DNAJB4: variants seen among roughly 807,000 people sequenced by gnomAD.
DNAJB4 encodes DnaJ heat shock protein family (Hsp40) member B4, also known as dnaJ homolog subfamily B member 4.
In DNAJB4, 10 loss-of-function variants were observed where a neutral mutation model predicts 26.6. The observed-to-expected ratio is 0.38, with a 90% CI of 0.23 to 0.64. DNAJB4 has a LOEUF of 0.64. DNAJB4 is among the 30% of genes least tolerant of loss of function. The pLI, the probability that DNAJB4 is intolerant of heterozygous loss-of-function variation, is 0.58. For missense variants in DNAJB4, 328 were observed against 408.2 expected (o/e 0.80, Z 1.69); for synonymous variants, 136 against 134.8 (o/e 1.01, Z -0.06).
chr1:78,014,578 T>A (rs1660582748), intron 2 of DNAJB4, among the ~76,000 whole-genome samples: 1 of 152,090 alleles, frequency 6.6e-6, no homozygotes, highest in Admixed American at 6.6e-5. Context: ...TATATGCACT[T>A]CCCCAAGTTT....
chr1:77,996,624 A>T (rs1660065703), intron 1 of DNAJB4, among the ~76,000 whole-genome samples: 1 of 152,208 alleles, frequency 6.6e-6, no homozygotes, highest in African/African-American at 2.4e-5. Context: ...CAAAAAAATT[A>T]AATGTATATA....
chr1:77,980,637 G>C (rs1321715597), intron 1 of DNAJB4, among the ~76,000 whole-genome samples: 1 of 151,942 alleles, frequency 6.6e-6, no homozygotes, highest in Non-Finnish European at 1.5e-5. Flanking sequence ...ACTTGGTTAG[G>C]TCTAAAAAAA....
chr1:78,001,574 C>G (rs2102601856), upstream of DNAJB4, among the ~76,000 whole-genome samples: 1 of 152,150 alleles, frequency 6.6e-6, no homozygotes, highest in East Asian at 1.9e-4. Flanking sequence ...AAAAAGAAAA[C>G]TTGTTTTTTA....
chr1:78,008,974 T>G (rs1003721840), intron 1 of DNAJB4, among the ~76,000 whole-genome samples: 4 of 152,120 alleles, frequency 2.6e-5, no homozygotes, highest in African/African-American at 9.6e-5. Flanking sequence ...ATGCTTTCCT[T>G]ATTTTGTTAT....
At chr1:78,004,499 C>CA (rs1281766055), upstream of DNAJB4, 1 of 152,042 alleles carries the variant, frequency 6.6e-6, no homozygotes, top group Non-Finnish European at 1.5e-5. Flanking sequence ...TTTAAACAAC[C>CA]TGCGTTTTGG....
At position 77,989,992 on chromosome 1, in the gene DNAJB4, A is replaced by T. The variant is rs546389168; in HGVS notation, c.-32+9670A>T. Among the ~76,000 whole-genome samples the T allele has an allele frequency of 3.3e-5, 5 of 152,354 alleles. No individual in the cohort carries two copies. The South Asian group carries it at 1.0e-3, about 32-fold the overall frequency. On this transcript the variant is annotated intron_variant, in intron 1 of 2. Coordinates refer to the DNAJB4 transcript ENST00000426517. ...ATCTCATTGGCTAGAACCATGTCAC[A>T]TGTCTGCCCTTAAACAATCACTGGC...
chr1:77,985,682 G>A (rs1400570010), intron 1 of DNAJB4, among the ~76,000 whole-genome samples: 5 of 152,050 alleles, frequency 3.3e-5, no homozygotes, highest in Non-Finnish European at 7.4e-5. Context: ...TGAAGATTGA[G>A]AGGTTTTAGT....
chr1:77,983,619 C>T (rs1257460389), intron 1 of DNAJB4, among the ~76,000 whole-genome samples: 2 of 152,214 alleles, frequency 1.3e-5, no homozygotes, highest in Non-Finnish European at 1.5e-5. Flanking sequence ...CTTCAAGCAT[C>T]TGTTTAACAA....
In DNAJB4 at chr1:78,013,559, T is replaced by C. The variant is rs1355297450; in HGVS notation, c.720T>C (p.His240=). ...DIVFIIKDKD[H]PKFKRDGSNI... is the part of the protein sequence containing the mutation. The stretch of plus-strand genomic sequence containing the variant: ...TTTTTATCATTAAAGACAAAGATCA[T>C]CCAAAATTTAAAAGGGATGGATCAA... The change falls in exon 2 of 3, where the codon CAT becomes CAC. Residue 240 remains histidine, a synonymous_variant. Coordinates refer to ENST00000370763, the MANE Select transcript of DNAJB4 (RefSeq NM_007034.5). The C allele has an allele frequency of 5.0e-6, 8 of 1,610,324 alleles. No homozygotes were observed. In the East Asian group the frequency reaches 1.6e-4, roughly 31 times the overall value.
rs550353327 is a variant in DNAJB4, at chr1:77,990,605, T to A, written c.-32+10283T>A. Among the ~76,000 whole-genome samples the A allele has an allele frequency of 1.0e-3, 157 of 152,358 alleles. 1 individual carries two copies. The Middle Eastern group carries it at 0.027, about 26-fold the overall frequency. ...GTAGCATAGATGAAGGGGTTATTAATAAGGTTACAGGAATGTTCACAGTAG... is the reference window on the plus strand; with the variant it reads ...GTAGCATAGATGAAGGGGTTATTAAAAAGGTTACAGGAATGTTCACAGTAG... On this transcript the variant is annotated intron_variant, in intron 1 of 2. Transcript: ENST00000426517.
upstream of DNAJB4, chr1:77,979,559 G>A (rs1261097987): frequency 6.5e-6 from 1 of 154,650 alleles, no homozygotes; most frequent in Non-Finnish European, 1.4e-5. Context: ...CCGAGACGCC[G>A]CGCGGTGATG....
chr1:77,989,415 C>T (rs1659881683), intron 1 of DNAJB4, among the ~76,000 whole-genome samples: 1 of 152,138 alleles, frequency 6.6e-6, no homozygotes, highest in Middle Eastern at 3.2e-3. Context: ...CTCCTTCAGA[C>T]AACTTGTTAG....
At chr1:78,009,521 A>G (rs1476396431) in intron 1 of DNAJB4, among the ~76,000 whole-genome samples, 2 of 152,220 alleles carry the variant, frequency 1.3e-5, no homozygotes, top group East Asian at 1.9e-4. Flanking sequence ...GACGATGTCT[A>G]GAAAACATTT....
At chr1:78,009,024 A>G (rs868865791) in intron 1 of DNAJB4, among the ~76,000 whole-genome samples, 5 of 149,396 alleles carry the variant, frequency 3.3e-5, no homozygotes, top group Non-Finnish European at 7.4e-5. Context: ...ATTAAAAGGT[A>G]GTGTTTAAAT....
chr1:77,996,499 C>A (rs1215881069), intron 1 of DNAJB4, among the ~76,000 whole-genome samples: 2 of 152,014 alleles, frequency 1.3e-5, no homozygotes, highest in African/African-American at 4.8e-5. Context: ...CCCTGGGTGT[C>A]TCCAAATCTA....
intron 1 of DNAJB4, among the ~76,000 whole-genome samples, chr1:77,997,019 TAAG>T (rs1362097477): frequency 4.6e-5 from 7 of 152,202 alleles, no homozygotes; most frequent in African/African-American, 1.7e-4. Context: ...GAAACTTTGT[TAAG>T]AACCCTTTAC....
intron 1 of DNAJB4, among the ~76,000 whole-genome samples, chr1:78,010,039 G>C (rs1660428313): frequency 6.6e-6 from 1 of 152,114 alleles, no homozygotes; most frequent in Non-Finnish European, 1.5e-5. Context: ...TATCAGCTTT[G>C]GTAAGTTACT....
chr1:78,000,916 G>A (rs1660175387), upstream of DNAJB4, among the ~76,000 whole-genome samples: 1 of 152,120 alleles, frequency 6.6e-6, no homozygotes, highest in Non-Finnish European at 1.5e-5. Flanking sequence ...CCGGGAGGCG[G>A]AGGTTGCAGT....
chr1:77,986,119 A>T (rs897260078), intron 1 of DNAJB4, among the ~76,000 whole-genome samples: 39 of 152,174 alleles, frequency 2.6e-4, no homozygotes, highest in African/African-American at 9.4e-4. Context: ...AGTGAATGTG[A>T]GTCATTGTCA....
Sources: allele counts gnomAD v4.1 joint callset (sites outside exome capture counted in the v4.1 genomes callset), GRCh38; gene constraint gnomAD v4.1.1; transcripts MANE v1.5; gene names NCBI Gene and HGNC (gene_info 2026-07-23, HGNC 2026-07-21).